Variants in RFC3 observed in about 807,000 individuals in gnomAD.
The protein encoded by RFC3 is A1 38 kDa subunit.
RFC3 carries 41 observed loss-of-function variants against 45.1 expected under a neutral mutation model. The observed-to-expected ratio is 0.91, with a 90% CI of 0.71 to 1.18. The LOEUF is 1.18. RFC3 is among the 50% of genes most tolerant of loss of function. The pLI is 0.00. For synonymous variants in RFC3, 149 were observed against 144.0 expected (o/e 1.03, Z -0.25); for missense variants, 423 against 428.1 (o/e 0.99, Z 0.10).
chr13:33,892,567 C>G (rs146490229), intron 8 of RFC3, among the ~76,000 whole-genome samples: 148 of 152,248 alleles, frequency 9.7e-4, no homozygotes, highest in African/African-American at 3.4e-3. Context: ...CTCACCTTAT[C>G]CAAACATCTG....
Position 33,835,222 on chromosome 13 carries a change from C to A in RFC3, c.879+5C>A, listed in dbSNP as rs1482060384. On this transcript the variant is annotated splice_donor_5th_base_variant and intron_variant, in intron 8 of 8. Transcript: ENST00000380071. The stretch of plus-strand genomic sequence containing the variant: ...CCTCCTGAGATAATAATGAAGGTAA[C>A]CCAATTTCAGATCTTGAACTTTTTA... 6.3e-7 allele frequency: 1 copy of A among 1,598,056 alleles called. No individual in the cohort carries two copies. The highest frequency in any genetic ancestry group is 1.7e-5 in the Admixed American group (1 of 59,918).
At chr13:33,938,360 A>T (rs1042146805) in intron 8 of RFC3, among the ~76,000 whole-genome samples, 6 of 152,042 alleles carry the variant, frequency 3.9e-5, no homozygotes, top group African/African-American at 1.4e-4. Flanking sequence ...TTAACTTTTT[A>T]TTGGAGTTTG....
intron 8 of RFC3, among the ~76,000 whole-genome samples, chr13:33,890,840 T>C (rs966996899): frequency 6.6e-6 from 1 of 152,182 alleles, no homozygotes; most frequent in Admixed American, 6.5e-5. Flanking sequence ...ACTAGGCCAA[T>C]GGGATTCCTT....
chr13:33,909,220 T>C (rs775534528), intron 8 of RFC3, among the ~76,000 whole-genome samples: 7 of 152,078 alleles, frequency 4.6e-5, no homozygotes, highest in Non-Finnish European at 1.0e-4. Flanking sequence ...GAACCATTAA[T>C]GTTTCAGACT....
rs1364338908 is a variant in RFC3 at position 33,836,333 on chromosome 13, A to G, written c.*38A>G. 3 of 1,607,124 alleles carry G rather than the reference A, an allele frequency of 1.9e-6. No homozygotes were observed. Among genetic ancestry groups the G allele is most frequent in the African/African-American group, 2.7e-5 (2 of 74,742 alleles). ...ATTCTTGCAAAGATTTCTCAGTATC[A>G]GTATTTACATACAGCTTATATTAAA... On this transcript the variant is annotated 3_prime_UTR_variant, in exon 9 of 9. Coordinates refer to ENST00000380071, the MANE Select transcript of RFC3 (RefSeq NM_002915.4).
chr13:33,836,300 T>C lies in RFC3; in HGVS notation c.*5T>C, dbSNP rs1275628935. On this transcript the variant is annotated 3_prime_UTR_variant, in exon 9 of 9. Transcript: ENST00000380071. ...TTGGAAGGCATGATGTTCTGACTTC[T>C]GTCAGTTATTCTTGCAAAGATTTCT... The C allele has an allele frequency of 1.9e-5, 30 of 1,611,094 alleles. No homozygotes were observed. The highest frequency in any genetic ancestry group is 2.4e-5 in the Non-Finnish European group (28 of 1,177,682).
At chr13:33,910,396 G>A (rs1279840456) in intron 8 of RFC3, among the ~76,000 whole-genome samples, 2 of 152,064 alleles carry the variant, frequency 1.3e-5, no homozygotes, top group African/African-American at 2.4e-5. Flanking sequence ...AAGGCATTTT[G>A]GGAGTGCTTG....
At chr13:33,882,299 G>A (rs1208733612) in intron 8 of RFC3, among the ~76,000 whole-genome samples, 1 of 152,190 alleles carries the variant, frequency 6.6e-6, no homozygotes, top group East Asian at 1.9e-4. Flanking sequence ...GGGTTATATA[G>A]TTCTGTAAAA....
intron 8 of RFC3, among the ~76,000 whole-genome samples, chr13:33,950,145 G>A (rs2082980631): frequency 6.6e-6 from 1 of 151,764 alleles, no homozygotes; most frequent in Non-Finnish European, 1.5e-5. Context: ...ACCTAGTACA[G>A]TGCACTTCCC....
intron 8 of RFC3, among the ~76,000 whole-genome samples, chr13:33,895,871 GCT>G (rs1287989148): frequency 4.6e-5 from 7 of 152,262 alleles, no homozygotes; most frequent in African/African-American, 1.2e-4. Flanking sequence ...CTTGGATGGA[GCT>G]GGGGGCCATT....
At chr13:33,822,135 T>A (rs924135487) in intron 2 of RFC3, among the ~76,000 whole-genome samples, 2 of 152,234 alleles carry the variant, frequency 1.3e-5, no homozygotes, top group Admixed American at 1.3e-4. Context: ...TATATTTAGA[T>A]ACATTGAGTT....
chr13:33,895,168 A>G (rs1442223055), intron 8 of RFC3, among the ~76,000 whole-genome samples: 2 of 152,274 alleles, frequency 1.3e-5, no homozygotes, highest in African/African-American at 2.4e-5. Flanking sequence ...TTAAACTACA[A>G]AGCTTCTGCC....
intron 8 of RFC3, among the ~76,000 whole-genome samples, chr13:33,947,870 T>C (rs2082963909): frequency 6.6e-6 from 1 of 152,098 alleles, no homozygotes; most frequent in African/African-American, 2.4e-5. Context: ...AAGGATGATT[T>C]AGGGTATCTA....
At chr13:33,884,965 G>A (rs560425875) in intron 8 of RFC3, among the ~76,000 whole-genome samples, 1 of 152,160 alleles carries the variant, frequency 6.6e-6, no homozygotes, top group East Asian at 1.9e-4. Flanking sequence ...TGAACTCCTC[G>A]ACCTCTTAGT....
chr13:33,894,014 G>A (rs1047991796), intron 8 of RFC3, among the ~76,000 whole-genome samples: 2 of 152,158 alleles, frequency 1.3e-5, no homozygotes, highest in Non-Finnish European at 2.9e-5. Context: ...GGCCAAGATG[G>A]CAGCTTGGAG....
intron 1 of RFC3, 65 bp downstream of exon 1, chr13:33,818,330 C>G (rs370698384): frequency 2.7e-4 from 365 of 1,362,178 alleles, no homozygotes; most frequent in Admixed American, 1.9e-3. Flanking sequence ...TTCGCGCCCC[C>G]CTGAGGAGCA....
intron 8 of RFC3, among the ~76,000 whole-genome samples, chr13:33,862,685 A>G (rs984521656): frequency 3.3e-5 from 5 of 152,198 alleles, no homozygotes; most frequent in African/African-American, 9.6e-5. Flanking sequence ...TGATATATTC[A>G]TATATCTTCA....
At chr13:33,963,668 C>T (rs2083070966) in intron 8 of RFC3, among the ~76,000 whole-genome samples, 2 of 152,144 alleles carry the variant, frequency 1.3e-5, no homozygotes, top group Admixed American at 6.5e-5. Flanking sequence ...CCTCCATCCT[C>T]TGTTTCTATA....
At position 33,920,744 on chromosome 13, in the gene RFC3, AT is replaced by A. The variant is rs574994446; in HGVS notation, c.880-45338del. On this transcript the variant is annotated intron_variant, in intron 8 of 8. Transcript: ENST00000434425. ...AGCCACTGCACCCAGCCAACCAAAC[AT>A]TTTTAATGCAGTAATAGAGCTACTT... 5.6e-3 allele frequency among the ~76,000 whole-genome samples: 852 copies of A among 152,040 alleles called. 7 individuals are homozygous for A. The highest frequency in any genetic ancestry group is 0.02 in the African/African-American group (823 of 41,500).
Sources: gnomAD v4.1 joint callset for allele counts (sites outside exome capture counted in the v4.1 genomes callset) on GRCh38, gnomAD v4.1.1 for gene constraint, MANE v1.5 for transcripts, NCBI Gene and HGNC (gene_info 2026-07-23, HGNC 2026-07-21) for gene names.